The following PTPRG variants were observed in gnomAD, a reference collection of about 807,000 sequenced individuals.
The protein encoded by PTPRG is protein tyrosine phosphatase receptor type G.
A neutral mutation model predicts 165.3 loss-of-function variants in PTPRG; 102 were observed. The observed-to-expected ratio is 0.62, with a 90% confidence interval of 0.53 to 0.73. The LOEUF is 0.73. Among genes scored for constraint, PTPRG ranks in the 30% least tolerant of loss-of-function variants. The pLI is 0.00. For synonymous variants in PTPRG, 675 were observed against 669.5 expected, an observed-to-expected ratio of 1.01 and a Z score of -0.13; for missense variants, 1,866 against 1,861.4, an observed-to-expected ratio of 1.00 and a Z score of -0.05.
At chr3:61,794,053 G>A (rs1024145838) in intron 2 of PTPRG, among the ~76,000 whole-genome samples, 1 of 152,144 alleles carries the variant, frequency 6.6e-6, no homozygotes, top group African/African-American at 2.4e-5. Flanking sequence ...TCTGCTTAGT[G>A]TTGGAGAAAG....
chr3:62,227,365 T>C (rs1700786579), intron 13 of PTPRG, among the ~76,000 whole-genome samples: 1 of 152,190 alleles, frequency 6.6e-6, no homozygotes, highest in Non-Finnish European at 1.5e-5. Context: ...GAATGACTTC[T>C]CACATACAGG....
intron 2 of PTPRG, among the ~76,000 whole-genome samples, chr3:61,798,625 T>TTG (rs1288283017): frequency 3.3e-5 from 5 of 151,512 alleles, no homozygotes; most frequent in Non-Finnish European, 5.9e-5. Context: ...GCTGGTTTTT[T>TTG]TTTTTTTTTT....
intron 5 of PTPRG, 111 bp downstream of exon 5, chr3:62,078,369 C>G: frequency 1.6e-6 from 1 of 633,914 alleles, no homozygotes; most frequent in East Asian, 3.1e-5. Flanking sequence ...CACACCTGTC[C>G]AAATGAAAGA....
chr3:62,172,284 C>G (rs1343051907), intron 8 of PTPRG, among the ~76,000 whole-genome samples: 1 of 152,196 alleles, frequency 6.6e-6, no homozygotes, highest in Non-Finnish European at 1.5e-5. Context: ...ATTGCTGGGT[C>G]ATATGGTAAC....
chr3:61,916,655 TG>T (rs1281677019), intron 2 of PTPRG, among the ~76,000 whole-genome samples: 1 of 152,260 alleles, frequency 6.6e-6, no homozygotes, highest in Non-Finnish European at 1.5e-5. Flanking sequence ...AATCATTATA[TG>T]TTTTTAATTG....
intron 4 of PTPRG, among the ~76,000 whole-genome samples, chr3:62,042,177 C>T (rs1700150326): frequency 6.6e-6 from 1 of 152,092 alleles, no homozygotes; most frequent in Non-Finnish European, 1.5e-5. Flanking sequence ...CTCAGAGATG[C>T]ACAAGTATAA....
intron 2 of PTPRG, among the ~76,000 whole-genome samples, chr3:61,811,198 T>G (rs2035564071): frequency 6.6e-6 from 1 of 152,016 alleles, no homozygotes; most frequent in Admixed American, 6.6e-5. Context: ...GGAAGGCCCA[T>G]GAATAGAGTG....
intron 2 of PTPRG, among the ~76,000 whole-genome samples, chr3:61,777,634 A>T (rs1478721738): frequency 6.6e-6 from 1 of 152,154 alleles, no homozygotes; most frequent in African/African-American, 2.4e-5. Context: ...GAGTGGTGTA[A>T]AGCCAGGGAT....
At chr3:61,826,335 A>G (rs2036109189) in intron 2 of PTPRG, among the ~76,000 whole-genome samples, 1 of 152,202 alleles carries the variant, frequency 6.6e-6, no homozygotes, top group African/African-American at 2.4e-5. Flanking sequence ...TCAGGGGACC[A>G]ACCTGCAGTG....
At position 62,186,105 on chromosome 3, in the gene PTPRG, C is replaced by T. The variant is rs75899895; in HGVS notation, c.1034-5364C>T. 4.1e-3 allele frequency among the ~76,000 whole-genome samples: 626 copies of T among 152,246 alleles called. 3 individuals carry two copies. The highest frequency in any genetic ancestry group is 0.013 in the African/African-American group (538 of 41,536). ...CTGCTCGCTTGCCTGAGTTATTTGA[C>T]GGGTGTCTGGTACTATCGTTGCCCC... is the stretch of plus-strand genomic sequence containing the variant. On this transcript the variant is annotated intron_variant, in intron 8 of 29. Coordinates refer to ENST00000474889, the MANE Select transcript of PTPRG (RefSeq NM_002841.4).
rs1307706075 is a variant in PTPRG, at chr3:62,018,878, CAGTA to C, written c.519+15385_519+15388del. On this transcript the variant is annotated intron_variant, in intron 4 of 29. Coordinates refer to ENST00000474889, the MANE Select transcript of PTPRG (RefSeq NM_002841.4). ...GAAGGCACGCTGGATTTATGACAGACAGTAAGTGAGCCTGCCCCAGTGCTAGAGG... is the reference window on the plus strand; with the variant it reads ...GAAGGCACGCTGGATTTATGACAGACAGTGAGCCTGCCCCAGTGCTAGAGG... 1.5e-4 allele frequency among the ~76,000 whole-genome samples: 23 copies of C among 152,134 alleles called. 1 individual carries two copies. Among genetic ancestry groups the C allele is most frequent in the Admixed American group, 1.5e-3 (23 of 15,276 alleles).
At chr3:62,172,811 G>C (rs1191557049) in intron 8 of PTPRG, among the ~76,000 whole-genome samples, 1 of 152,188 alleles carries the variant, frequency 6.6e-6, no homozygotes, top group Admixed American at 6.5e-5. Flanking sequence ...CTGCCTGATT[G>C]GTATTCTCTA....
intron 3 of PTPRG, among the ~76,000 whole-genome samples, chr3:61,998,178 A>G (rs1201891077): frequency 2.6e-5 from 4 of 152,204 alleles, no homozygotes; most frequent in East Asian, 3.9e-4. Flanking sequence ...AATGCCAGGT[A>G]CTTGGTCAAC....
intron 1 of PTPRG, among the ~76,000 whole-genome samples, chr3:61,626,988 A>G (rs1029341550): frequency 3.9e-5 from 6 of 152,210 alleles, no homozygotes; most frequent in African/African-American, 1.2e-4. Flanking sequence ...CAATTTATGT[A>G]TGGAATGGCT....
chr3:61,802,619 T>C (rs2035283437), intron 2 of PTPRG, among the ~76,000 whole-genome samples: 1 of 152,218 alleles, frequency 6.6e-6, no homozygotes, highest in South Asian at 2.1e-4. Context: ...AATTGTTAAT[T>C]ATGTCCATTC....
chr3:61,780,033 C>T (rs2034500091), intron 2 of PTPRG, among the ~76,000 whole-genome samples: 1 of 152,194 alleles, frequency 6.6e-6, no homozygotes, highest in African/African-American at 2.4e-5. Flanking sequence ...GGACCTGTTT[C>T]CTGGGAAAGC....
Position 62,255,468 on chromosome 3 carries a change from T to C in PTPRG, c.2559+253T>C, listed in dbSNP as rs2106986905. Among the ~76,000 whole-genome samples, 1 of 152,308 alleles carries C rather than the reference T, an allele frequency of 6.6e-6. No homozygotes were observed. Among genetic ancestry groups the C allele is most frequent in the South Asian group, 2.1e-4 (1 of 4,824 alleles). On this transcript the variant is annotated intron_variant, in intron 16 of 29. Coordinates refer to ENST00000474889, the MANE Select transcript of PTPRG (RefSeq NM_002841.4). This position sits in a 1 kb window ranked among gnomAD's most constrained non-coding sequence, Gnocchi z 4.0. Reference sequence around the variant, plus strand: ...ACTTAGTGATAGAAAAGAAGCAAACTGGTAGGGATTGCTTTTCAGGTTCTT... The same window carrying C: ...ACTTAGTGATAGAAAAGAAGCAAACCGGTAGGGATTGCTTTTCAGGTTCTT...
intron 2 of PTPRG, among the ~76,000 whole-genome samples, chr3:61,779,721 T>C (rs916233570): frequency 2.0e-5 from 3 of 152,224 alleles, no homozygotes; most frequent in African/African-American, 7.2e-5. Context: ...TTATGTTGCA[T>C]AGATGCTGTT....
rs1468787689 is a variant in PTPRG, at chr3:62,233,694, CCT to C, written c.2375+2384_2375+2385del. Among the ~76,000 whole-genome samples the C allele has an allele frequency of 1.3e-5, 2 of 152,106 alleles. No individual in the cohort carries two copies. Among genetic ancestry groups the C allele is most frequent in the East Asian group, 1.9e-4 (1 of 5,182 alleles). On this transcript the variant is annotated intron_variant, in intron 14 of 29. Coordinates refer to ENST00000474889, the MANE Select transcript of PTPRG (RefSeq NM_002841.4). The surrounding 1 kb of genome is among the most constrained non-coding windows in gnomAD (Gnocchi z 4.7). ...CTTCATGTGGCATTACTCTTCTGCC[CCT>C]GTCATCTCCCTGTCCCACAGCAGGA... is the stretch of plus-strand genomic sequence containing the variant.
Sources: gnomAD v4.1 joint callset for allele counts (sites outside exome capture counted in the v4.1 genomes callset) on GRCh38, gnomAD v4.1.1 for gene constraint, Gnocchi (gnomAD v3.1) non-coding constraint, MANE v1.5 for transcripts, NCBI Gene and HGNC (gene_info 2026-07-23, HGNC 2026-07-21) for gene names.